The following GLIS1 variants were observed in gnomAD, a reference collection of about 807,000 sequenced individuals.
GLIS1 encodes zinc finger protein GLIS1.
GLIS1 carries 24 observed loss-of-function variants against 63.8 expected under a neutral mutation model. That is an observed-to-expected ratio of 0.38 (90% confidence interval 0.27 to 0.53). The LOEUF (loss-of-function observed/expected upper bound fraction) is 0.53. GLIS1 is among the 20% of genes least tolerant of loss of function. GLIS1 has a pLI of 0.85. For synonymous variants in GLIS1, 450 were observed against 482.5 expected, an observed-to-expected ratio of 0.93 and a Z score of 0.88; for missense variants, 1,036 against 1,074.1, an observed-to-expected ratio of 0.96 and a Z score of 0.50.
intron 2 of GLIS1, among the ~76,000 whole-genome samples, chr1:53,667,282 G>C (rs907334041): frequency 1.1e-4 from 16 of 152,352 alleles, no homozygotes; most frequent in South Asian, 8.3e-4. Flanking sequence ...CTCAATATGA[G>C]CTCCATGAGG....
intron 2 of GLIS1, among the ~76,000 whole-genome samples, chr1:53,679,568 C>T (rs1646252956): frequency 6.6e-6 from 1 of 152,190 alleles, no homozygotes; most frequent in Non-Finnish European, 1.5e-5. Flanking sequence ...CCCAGAAAGC[C>T]ACTTGCCCCA....
intron 4 of GLIS1, among the ~76,000 whole-genome samples, chr1:53,561,232 G>A (rs2100439689): frequency 6.6e-6 from 1 of 152,278 alleles, no homozygotes. Flanking sequence ...AGAGCTCCAG[G>A]ATTCAGGGAA....
rs1182869754 is a variant in GLIS1, at chr1:53,594,795, A to C, written c.633T>G (p.Pro211=). Residue 211 remains proline (P), a synonymous_variant, in exon 4 of 11, where the codon CCT becomes CCG. Coordinates refer to ENST00000628545, the MANE Select transcript of GLIS1 (RefSeq NM_001367484.1). ...LPGRSLATPA[P]SCYLLGSEPS... is the part of the protein sequence containing the mutation. Reference sequence around the variant, plus strand: ...GTTCGCTGCCCAGAAGGTAGCAGGAAGGCGCAGGGGTGGCGAGGCTTCGGC... The same window carrying C: ...GTTCGCTGCCCAGAAGGTAGCAGGACGGCGCAGGGGTGGCGAGGCTTCGGC... 2.4e-5 allele frequency: 39 copies of C among 1,606,894 alleles called. No homozygotes were observed. The highest frequency in any genetic ancestry group is 3.3e-5 in the Non-Finnish European group (39 of 1,177,036).
intron 4 of GLIS1, among the ~76,000 whole-genome samples, chr1:53,555,135 G>A (rs534906759): frequency 5.0e-4 from 76 of 152,146 alleles, no homozygotes; most frequent in Non-Finnish European, 6.8e-4. Flanking sequence ...CGACATCGCC[G>A]CTCCCTTACC....
chr1:53,636,763 A>G (rs890220401), intron 2 of GLIS1, among the ~76,000 whole-genome samples: 1 of 152,236 alleles, frequency 6.6e-6, no homozygotes, highest in African/African-American at 2.4e-5. Flanking sequence ...GGCGACGCCT[A>G]CTGGGCCTTC....
At chr1:53,728,993 C>G (rs938458615) in intron 2 of GLIS1, among the ~76,000 whole-genome samples, 1 of 149,712 alleles carries the variant, frequency 6.7e-6, no homozygotes, top group African/African-American at 2.5e-5. Context: ...TGTGTAGATG[C>G]TGTCGTGGTG....
At chr1:53,690,074 C>T (rs554339221) in intron 2 of GLIS1, among the ~76,000 whole-genome samples, 2 of 152,360 alleles carry the variant, frequency 1.3e-5, no homozygotes, top group South Asian at 4.1e-4. Flanking sequence ...TACCTGGTGG[C>T]CTGCCCCCTC....
intron 4 of GLIS1, among the ~76,000 whole-genome samples, chr1:53,563,929 C>T (rs948578104): frequency 1.3e-5 from 2 of 152,126 alleles, no homozygotes; most frequent in African/African-American, 4.8e-5. Flanking sequence ...AACTGTCAAC[C>T]TAGAAGTGGG....
At chr1:53,633,087 ATGAGTGTGACTGAGGGGTGTG>A (rs1645682656) in intron 2 of GLIS1, among the ~76,000 whole-genome samples, 3 of 117,970 alleles carry the variant, frequency 2.5e-5, no homozygotes, top group South Asian at 3.2e-4. Context: ...GGGCGTGTGA[ATGAGTGTGACTGAGGGGTGTG>A]TGAGTGTGAC....
At chr1:53,567,281 G>C (rs1185321444) in intron 4 of GLIS1, among the ~76,000 whole-genome samples, 1 of 152,184 alleles carries the variant, frequency 6.6e-6, no homozygotes, top group Admixed American at 6.5e-5. Flanking sequence ...TGAAAGAGAT[G>C]ATTTAGGGCA....
At chr1:53,609,861 T>C (rs985525743) in intron 2 of GLIS1, among the ~76,000 whole-genome samples, 2 of 152,226 alleles carry the variant, frequency 1.3e-5, no homozygotes, top group African/African-American at 4.8e-5. Context: ...GGCTATCTGG[T>C]ATAGCCTATT....
intron 4 of GLIS1, among the ~76,000 whole-genome samples, chr1:53,575,172 G>T (rs1217799289): frequency 6.6e-6 from 1 of 152,098 alleles, no homozygotes; most frequent in Non-Finnish European, 1.5e-5. Flanking sequence ...TATCAAGAAC[G>T]GAGCACAGAT....
At chr1:53,566,664 C>T (rs1644939201) in intron 4 of GLIS1, among the ~76,000 whole-genome samples, 1 of 152,116 alleles carries the variant, frequency 6.6e-6, no homozygotes, top group East Asian at 1.9e-4. Context: ...GTAGATTTCC[C>T]CCTTGCTGTT....
chr1:53,680,404 C>T (rs1646261639), intron 2 of GLIS1, among the ~76,000 whole-genome samples: 1 of 152,222 alleles, frequency 6.6e-6, no homozygotes, highest in South Asian at 2.1e-4. Context: ...CACTCAGTGG[C>T]ACCAGTACTG....
chr1:53,692,509 CAGTA>C (rs1646417130), intron 2 of GLIS1, among the ~76,000 whole-genome samples: 1 of 152,256 alleles, frequency 6.6e-6, no homozygotes, highest in Non-Finnish European at 1.5e-5. Context: ...TACAGGGTTA[CAGTA>C]ACCTTCACCC....
At chr1:53,637,000 G>T (rs767936590) in intron 2 of GLIS1, among the ~76,000 whole-genome samples, 7 of 152,242 alleles carry the variant, frequency 4.6e-5, no homozygotes, top group Non-Finnish European at 7.3e-5. Flanking sequence ...GTGAGCGCTT[G>T]CTGCAGGACG....
At chr1:53,690,290 C>T (rs1425052774) in intron 2 of GLIS1, among the ~76,000 whole-genome samples, 2 of 152,378 alleles carry the variant, frequency 1.3e-5, no homozygotes, top group East Asian at 1.9e-4. Context: ...CTGCCCCAGG[C>T]TCCGCTGCCC....
chr1:53,510,062 G>A (rs1017420194), intron 8 of GLIS1, 35 bp from the exon 9 acceptor site: 2 of 1,214,870 alleles, frequency 1.6e-6, no homozygotes, highest in Non-Finnish European at 2.1e-6. Flanking sequence ...AGCAGGCAGG[G>A]GTCTGGAGGG....
chr1:53,655,968 T>C (rs1645961296), intron 2 of GLIS1, among the ~76,000 whole-genome samples: 1 of 152,124 alleles, frequency 6.6e-6, no homozygotes, highest in South Asian at 2.1e-4. Context: ...CAGATAGAAT[T>C]AGAGCTTGGG....
Sources: gnomAD v4.1 joint callset for allele counts (sites outside exome capture counted in the v4.1 genomes callset) on GRCh38, gnomAD v4.1.1 for gene constraint, MANE v1.5 for transcripts, NCBI Gene and HGNC (gene_info 2026-07-23, HGNC 2026-07-21) for gene names.